The following SLC25A12 variants were observed in gnomAD, a reference collection of about 807,000 sequenced individuals.
SLC25A12 encodes the protein solute carrier family 25 member 12.
A neutral mutation model predicts 83.3 loss-of-function variants in SLC25A12; 32 were observed. The observed-to-expected ratio is 0.38, with a 90% confidence interval of 0.29 to 0.52. SLC25A12 has a LOEUF of 0.52. Among genes scored for constraint, SLC25A12 ranks in the 20% least tolerant of loss-of-function variants. The pLI, the probability that SLC25A12 is intolerant of heterozygous loss-of-function variation, is 0.84. For synonymous variants in SLC25A12, 267 were observed against 291.1 expected, an observed-to-expected ratio of 0.92 and a Z score of 0.84; for missense variants, 611 against 835.6, an observed-to-expected ratio of 0.73 and a Z score of 3.31.
chr2:171,858,488 T>C (rs1386622707), intron 3 of SLC25A12, among the ~76,000 whole-genome samples: 1 of 152,202 alleles, frequency 6.6e-6, no homozygotes, highest in Non-Finnish European at 1.5e-5. Flanking sequence ...ACAAATTTCA[T>C]GCTCAGTAGT....
chr2:171,799,579 G>GT (rs1429207507), intron 13 of SLC25A12, among the ~76,000 whole-genome samples: 5 of 152,178 alleles, frequency 3.3e-5, no homozygotes, highest in African/African-American at 4.8e-5. Context: ...GAGGGTGTGT[G>GT]TATGTGGTGT....
At chr2:171,787,497 G>T in intron 17 of SLC25A12, 74 bp downstream of exon 17, 1 of 1,165,066 alleles carries the variant, frequency 8.6e-7, no homozygotes, top group African/African-American at 1.5e-5. Flanking sequence ...TTGCAACAAT[G>T]CTTTTGTAGA....
At chr2:171,866,807 CGG>C (rs564339762) in intron 3 of SLC25A12, among the ~76,000 whole-genome samples, 2 of 132,610 alleles carry the variant, frequency 1.5e-5, no homozygotes, top group African/African-American at 2.9e-5. Flanking sequence ...GCTGGCCTGG[CGG>C]GGGCTGACCC....
intron 11 of SLC25A12, among the ~76,000 whole-genome samples, chr2:171,811,290 C>G (rs1205709653): frequency 6.6e-6 from 1 of 152,148 alleles, no homozygotes; most frequent in African/African-American, 2.4e-5. Context: ...GCTGAATTAT[C>G]AATGATACAC....
chr2:171,823,163 A>G (rs1178606775), intron 9 of SLC25A12, among the ~76,000 whole-genome samples: 2 of 152,348 alleles, frequency 1.3e-5, no homozygotes, highest in Middle Eastern at 3.4e-3. Flanking sequence ...AAAATTGAAG[A>G]AAGTTTATTC....
At chr2:171,831,534 G>C (rs1003454900) in intron 8 of SLC25A12, among the ~76,000 whole-genome samples, 5 of 152,126 alleles carry the variant, frequency 3.3e-5, no homozygotes, top group Non-Finnish European at 4.4e-5. Context: ...AATTACTTAG[G>C]AAACAGGGAA....
intron 4 of SLC25A12, among the ~76,000 whole-genome samples, chr2:171,854,960 G>C (rs139887940): frequency 1.1e-3 from 175 of 152,294 alleles, no homozygotes; most frequent in Middle Eastern, 3.4e-3. Context: ...TTCTGGAGAT[G>C]TCTTTCACAA....
At chr2:171,872,650 T>C (rs1462971914) in intron 2 of SLC25A12, among the ~76,000 whole-genome samples, 2 of 152,190 alleles carry the variant, frequency 1.3e-5, no homozygotes, top group Non-Finnish European at 2.9e-5. Flanking sequence ...AAATATACTA[T>C]GGGAACCAAA....
At chr2:171,881,142 C>CTTTCTTTT (rs1553477525) in intron 2 of SLC25A12, among the ~76,000 whole-genome samples, 14 of 151,840 alleles carry the variant, frequency 9.2e-5, no homozygotes, top group African/African-American at 3.2e-4. Flanking sequence ...CCCATATTTT[C>CTTTCTTTT]TTTTTTTGTT....
At chr2:171,806,179 A>G (rs1683823466) in intron 13 of SLC25A12, among the ~76,000 whole-genome samples, 1 of 152,042 alleles carries the variant, frequency 6.6e-6, no homozygotes, top group African/African-American at 2.4e-5. Context: ...GATCATAAAG[A>G]CCGGGTGTGG....
At chr2:171,797,708 A>C (rs2105844417) in intron 13 of SLC25A12, among the ~76,000 whole-genome samples, 1 of 152,320 alleles carries the variant, frequency 6.6e-6, no homozygotes, top group East Asian at 1.9e-4. Flanking sequence ...TTTTTTAAAA[A>C]GCTTATTATA....
intron 3 of SLC25A12, among the ~76,000 whole-genome samples, chr2:171,866,618 C>G (rs867228093): frequency 7.2e-4 from 57 of 78,890 alleles, no homozygotes; most frequent in South Asian, 2.5e-3. Context: ...CCGGACGGGG[C>G]GGCTGGCCGG....
chr2:171,880,918 C>T (rs576607406), intron 2 of SLC25A12, among the ~76,000 whole-genome samples: 4 of 152,116 alleles, frequency 2.6e-5, no homozygotes, highest in African/African-American at 4.8e-5. Context: ...AAAGCTCCTC[C>T]GTTTACTGTA....
intron 4 of SLC25A12, among the ~76,000 whole-genome samples, chr2:171,853,427 G>A (rs1684977034): frequency 9.7e-5 from 1 of 10,274 alleles, no homozygotes; most frequent in Non-Finnish European, 7.2e-4. Flanking sequence ...TGTAATCTCA[G>A]CACTTTGGGA....
At chr2:171,893,539 C>T (rs1685989363) in intron 1 of SLC25A12, among the ~76,000 whole-genome samples, 1 of 152,174 alleles carries the variant, frequency 6.6e-6, no homozygotes, top group Non-Finnish European at 1.5e-5. Flanking sequence ...TACTTTATTC[C>T]ACATCTACTA....
intron 13 of SLC25A12, among the ~76,000 whole-genome samples, chr2:171,805,983 C>T (rs1191302611): frequency 3.3e-5 from 5 of 151,752 alleles, no homozygotes; most frequent in Non-Finnish European, 5.9e-5. Context: ...GTGGCATGCA[C>T]CTGTAGTCCC....
At chr2:171,884,021 T>C (rs982925198) in intron 2 of SLC25A12, among the ~76,000 whole-genome samples, 1 of 151,620 alleles carries the variant, frequency 6.6e-6, no homozygotes, top group African/African-American at 2.4e-5. Flanking sequence ...CCACCATGCC[T>C]GGCTAATTTC....
chr2:171,889,662 A>G (rs1261639315), intron 2 of SLC25A12, among the ~76,000 whole-genome samples: 1 of 151,924 alleles, frequency 6.6e-6, no homozygotes, highest in Non-Finnish European at 1.5e-5. Context: ...TCACCTAAGT[A>G]ACCAGATTTT....
chr2:171,804,565 T>G (rs544190774), intron 13 of SLC25A12, among the ~76,000 whole-genome samples: 71 of 152,264 alleles, frequency 4.7e-4, no homozygotes, highest in African/African-American at 1.7e-3. Flanking sequence ...CCAGCCTCCA[T>G]TTATATAAAA....
Sources: gnomAD v4.1 joint callset for allele counts (sites outside exome capture counted in the v4.1 genomes callset) on GRCh38, gnomAD v4.1.1 for gene constraint, MANE v1.5 for transcripts, NCBI Gene and HGNC (gene_info 2026-07-23, HGNC 2026-07-21) for gene names.